The following CCDC171 variants were observed in gnomAD, a reference collection of about 807,000 sequenced individuals.
CCDC171 encodes the protein coiled-coil domain-containing protein 171.
Under a neutral mutation model 168.2 loss-of-function variants are expected in CCDC171, and 177 were observed. The observed-to-expected ratio is 1.05, with a 90% confidence interval of 0.93 to 1.19. The LOEUF is 1.19. Ranked by LOEUF, CCDC171 falls within the 50% of genes most tolerant of loss-of-function variation. The pLI is 0.00. For synonymous variants in CCDC171, 687 were observed against 540.8 expected (o/e 1.27, Z -3.75); for missense variants, 1,991 against 1,539.0 (o/e 1.29, Z -4.91).
chr9:16,033,834 C>G (rs1833411937), intron 6 of CCDC171, among the ~76,000 whole-genome samples: 1 of 152,116 alleles, frequency 6.6e-6, no homozygotes, highest in South Asian at 2.1e-4. Flanking sequence ...AGGAAATTGT[C>G]TAGGTTCTCC....
chr9:15,629,442 A>G (rs2045482729), intron 7 of CCDC171, among the ~76,000 whole-genome samples: 1 of 152,212 alleles, frequency 6.6e-6, no homozygotes, highest in African/African-American at 2.4e-5. Context: ...TGAAGATCAA[A>G]TGAATGAAAT....
At chr9:15,775,411 C>T (rs1312299305) in intron 18 of CCDC171, among the ~76,000 whole-genome samples, 13 of 152,154 alleles carry the variant, frequency 8.5e-5, no homozygotes, top group African/African-American at 1.9e-4. Context: ...GTTGCCCTCC[C>T]GAGTTCAAGG....
chr9:15,578,572 G>C (rs1420444373), intron 3 of CCDC171, among the ~76,000 whole-genome samples: 1 of 151,178 alleles, frequency 6.6e-6, no homozygotes, highest in African/African-American at 2.4e-5. Flanking sequence ...GCCTGGCCAA[G>C]GTGTGACTAT....
At chr9:15,977,834 G>A (rs1409898436), downstream of CCDC171, among the ~76,000 whole-genome samples, 1 of 152,182 alleles carries the variant, frequency 6.6e-6, no homozygotes, top group African/African-American at 2.4e-5. Flanking sequence ...CCTGTCTTCA[G>A]TAGATCCCTT....
intron 10 of CCDC171, among the ~76,000 whole-genome samples, chr9:15,684,830 T>C (rs1185723664): frequency 6.6e-6 from 1 of 152,220 alleles, no homozygotes; most frequent in Non-Finnish European, 1.5e-5. Flanking sequence ...TTAAGATTTG[T>C]CAATCACAAC....
chr9:15,763,816 T>C (rs893401546), intron 18 of CCDC171, among the ~76,000 whole-genome samples: 1 of 152,256 alleles, frequency 6.6e-6, no homozygotes, highest in Non-Finnish European at 1.5e-5. Context: ...CATTAACTTA[T>C]TGATGGGCAT....
intron 2 of CCDC171, among the ~76,000 whole-genome samples, chr9:15,564,578 C>T (rs1315742623): frequency 1.3e-5 from 2 of 152,188 alleles, no homozygotes; most frequent in African/African-American, 2.4e-5. Context: ...CTTGGTATCT[C>T]TCAGTTTACC....
intron 21 of CCDC171, among the ~76,000 whole-genome samples, chr9:15,807,233 C>G (rs986668259): frequency 6.6e-6 from 1 of 152,208 alleles, no homozygotes; most frequent in African/African-American, 2.4e-5. Context: ...CCAACTCAGT[C>G]TGGTTAGGAA....
chr9:15,947,892 G>T (rs1390317683), intron 25 of CCDC171, among the ~76,000 whole-genome samples: 1 of 151,558 alleles, frequency 6.6e-6, no homozygotes, highest in African/African-American at 2.4e-5. Flanking sequence ...AGTTACATAT[G>T]TATACATGTG....
intron 7 of CCDC171, among the ~76,000 whole-genome samples, chr9:15,649,352 A>C (rs1198334011): frequency 1.3e-5 from 2 of 152,172 alleles, no homozygotes; most frequent in Non-Finnish European, 2.9e-5. Flanking sequence ...GGACTTCATG[A>C]CTAAAACACC....
chr9:15,628,458 C>G (rs558639278), intron 7 of CCDC171, among the ~76,000 whole-genome samples: 1 of 152,132 alleles, frequency 6.6e-6, no homozygotes, highest in Non-Finnish European at 1.5e-5. Flanking sequence ...AACTGCAAGG[C>G]GGCAGCGAGG....
intron 11 of CCDC171, among the ~76,000 whole-genome samples, chr9:15,711,430 A>C (rs1037237461): frequency 1.3e-5 from 2 of 152,124 alleles, no homozygotes; most frequent in Non-Finnish European, 2.9e-5. Flanking sequence ...CATATTTGTT[A>C]TGATAGGTTT....
chr9:16,040,355 A>C (rs979037119), upstream of CCDC171, among the ~76,000 whole-genome samples: 9 of 152,194 alleles, frequency 5.9e-5, 1 homozygote, highest in Admixed American at 1.3e-4. Flanking sequence ...AGGTGGAGGC[A>C]GACCTCAGAT....
At chr9:16,037,353 A>G (rs975408315) in intron 8 of CCDC171, among the ~76,000 whole-genome samples, 2 of 152,226 alleles carry the variant, frequency 1.3e-5, no homozygotes, top group African/African-American at 4.8e-5. Flanking sequence ...ACCAGGCACA[A>G]AACTCTCCTG....
At chr9:15,847,635 T>C (rs1184933328) in intron 22 of CCDC171, among the ~76,000 whole-genome samples, 3 of 152,112 alleles carry the variant, frequency 2.0e-5, no homozygotes, top group Admixed American at 6.6e-5. Context: ...ATAAACGCAG[T>C]GTTTTCTAAA....
chr9:15,734,842 C>T (rs771768847), intron 16 of CCDC171, among the ~76,000 whole-genome samples: 27 of 151,920 alleles, frequency 1.8e-4, no homozygotes, highest in African/African-American at 2.4e-4. Context: ...GGAAAAAATC[C>T]GCAGTTGTTA....
At chr9:16,039,557 G>T (rs533115317), upstream of CCDC171, among the ~76,000 whole-genome samples, 1 of 152,120 alleles carries the variant, frequency 6.6e-6, no homozygotes, top group African/African-American at 2.4e-5. Flanking sequence ...CCTGCAGGTC[G>T]GTAGCCCCAG....
rs575522709 is a variant in CCDC171, at chr9:15,706,747, T to C, written c.1318+11410T>C. ...ATTTTTTTAGGGTGGTTGACTTTCA[T>C]GTTCACTGAGACTCCAACTTTCTTC... On this transcript the variant is annotated intron_variant, in intron 11 of 25. Transcript: ENST00000380701. Among the ~76,000 whole-genome samples the C allele has an allele frequency of 1.1e-3, 174 of 152,346 alleles. 1 individual carries two copies. Among genetic ancestry groups the C allele is most frequent in the African/African-American group, 4.1e-3 (171 of 41,580 alleles).
At chr9:15,587,591 A>G (rs1195361791) in intron 4 of CCDC171, 1 of 456,088 alleles carries the variant, frequency 2.2e-6, no homozygotes, top group Non-Finnish European at 4.4e-6. Context: ...GAAGAACCTA[A>G]TGATACTGAT....
Sources: allele counts gnomAD v4.1 joint callset (sites outside exome capture counted in the v4.1 genomes callset), GRCh38; gene constraint gnomAD v4.1.1; transcripts MANE v1.5; gene names NCBI Gene and HGNC (gene_info 2026-07-23, HGNC 2026-07-21).